Variants in ZBTB20 observed in about 807,000 individuals in gnomAD.
The protein encoded by ZBTB20 is zinc finger and BTB domain containing 20.
ZBTB20 carries 9 observed loss-of-function variants against 56.9 expected under a neutral mutation model. That is an observed-to-expected ratio of 0.16 (90% CI 0.10 to 0.28). The LOEUF (loss-of-function observed/expected upper bound fraction) is 0.28. Ranked by LOEUF, ZBTB20 falls within the 10% of genes least tolerant of loss-of-function variation. The pLI is 1.00. For synonymous variants in ZBTB20, 417 were observed against 420.7 expected, an observed-to-expected ratio of 0.99 and a Z score of 0.11; for missense variants, 655 against 1,003.0, an observed-to-expected ratio of 0.65 and a Z score of 4.69.
chr3:114,719,406 G>A (rs1475021251), intron 5 of ZBTB20, among the ~76,000 whole-genome samples: 1 of 151,972 alleles, frequency 6.6e-6, no homozygotes, highest in African/African-American at 2.4e-5. Context: ...TAGCTGGAGC[G>A]GACTGCCTGC....
intron 2 of ZBTB20, among the ~76,000 whole-genome samples, chr3:115,028,617 C>G (rs1380677464): frequency 6.7e-6 from 1 of 149,200 alleles, no homozygotes; most frequent in African/African-American, 2.5e-5. Flanking sequence ...AACTTCTCAG[C>G]GAGTTAAATA....
chr3:114,604,895 G>A (rs1024542422), intron 6 of ZBTB20, among the ~76,000 whole-genome samples: 3 of 152,128 alleles, frequency 2.0e-5, no homozygotes, highest in Non-Finnish European at 4.4e-5. Flanking sequence ...TCCATGTGTT[G>A]AGTGGAGAAG....
At chr3:114,355,832 G>GA (rs373101988) in intron 10 of ZBTB20, among the ~76,000 whole-genome samples, 447 of 144,162 alleles carry the variant, frequency 3.1e-3, no homozygotes, top group Admixed American at 5.0e-3. Flanking sequence ...GGCTATTCAA[G>GA]AAAAAAAAAA....
At chr3:114,798,357 A>AAAAAAC (rs1386078479) in intron 5 of ZBTB20, among the ~76,000 whole-genome samples, 2 of 59,186 alleles carry the variant, frequency 3.4e-5, no homozygotes, top group Non-Finnish European at 8.7e-5. Context: ...AACAAAAAAA[A>AAAAAAC]ACACACAAAA....
intron 1 of ZBTB20, among the ~76,000 whole-genome samples, chr3:115,103,910 C>T (rs914109513): frequency 6.6e-6 from 1 of 152,126 alleles, no homozygotes; most frequent in Non-Finnish European, 1.5e-5. Flanking sequence ...AATGAAAAGA[C>T]AAGCCACAGA....
intron 6 of ZBTB20, among the ~76,000 whole-genome samples, chr3:114,558,861 C>G (rs1283197247): frequency 6.6e-6 from 1 of 152,100 alleles, no homozygotes; most frequent in Non-Finnish European, 1.5e-5. Flanking sequence ...ATTCACATGC[C>G]TAGCTCACTT....
intron 7 of ZBTB20, among the ~76,000 whole-genome samples, chr3:114,400,237 A>T (rs543720102): frequency 6.6e-6 from 1 of 152,272 alleles, no homozygotes; most frequent in East Asian, 1.9e-4. Flanking sequence ...TCTCACTTAT[A>T]AAGTCATGAG....
At chr3:114,450,294 G>T (rs2091524791) in intron 7 of ZBTB20, among the ~76,000 whole-genome samples, 1 of 152,124 alleles carries the variant, frequency 6.6e-6, no homozygotes, top group Non-Finnish European at 1.5e-5. Flanking sequence ...TAACATTGTT[G>T]TTTCAAAAAC....
At chr3:114,539,449 T>G (rs968092230) in intron 6 of ZBTB20, among the ~76,000 whole-genome samples, 1 of 152,144 alleles carries the variant, frequency 6.6e-6, no homozygotes, top group African/African-American at 2.4e-5. Flanking sequence ...TACACAGCTC[T>G]TATTTGCTTC....
rs755626140 is a variant in ZBTB20 at position 114,339,064 on chromosome 3, T to C, written c.2167A>G (p.Lys723Glu). The change falls in exon 12 of 12, where the codon AAG (lysine) becomes GAG (glutamate). Residue 723 changes from lysine (K) to glutamate (E), a missense_variant. Lys to Glu is a moderately conservative substitution (Grantham distance 56, BLOSUM62 1). Around this residue, in one of 10 missense-constraint regions of ZBTB20, gnomAD observed 89 missense variants for 79.7 expected, o/e 1.12. Coordinates refer to ENST00000675478, the MANE Select transcript of ZBTB20 (RefSeq NM_001348800.3). This position sits in a 1 kb window ranked among gnomAD's most constrained non-coding sequence, Gnocchi z 4.2. Reference protein sequence around the residue: ...TTYVCSVCPAKFDQIEQFNDH... With the variant: ...TTYVCSVCPAEFDQIEQFNDH... The stretch of plus-strand genomic sequence containing the variant: ...TTGAACTGCTCGATTTGGTCAAACT[T>C]TGCTGGGCAGACGGAGCAGACGTAA... 7 of 1,555,048 alleles carry C rather than the reference T, an allele frequency of 4.5e-6. No homozygotes were observed. The highest frequency in any genetic ancestry group is 6.1e-6 in the Non-Finnish European group (7 of 1,149,696).
intron 1 of ZBTB20, among the ~76,000 whole-genome samples, chr3:115,146,193 G>A (rs896449237): frequency 1.3e-5 from 2 of 152,236 alleles, no homozygotes; most frequent in African/African-American, 4.8e-5. Flanking sequence ...CCAGTTCGGA[G>A]TGAGAGATCA....
intron 2 of ZBTB20, among the ~76,000 whole-genome samples, chr3:114,987,226 A>G (rs1023357383): frequency 1.3e-5 from 2 of 152,142 alleles, no homozygotes; most frequent in African/African-American, 4.8e-5. Flanking sequence ...GTAAAAGTAA[A>G]CCTTGAGATG....
intron 6 of ZBTB20, among the ~76,000 whole-genome samples, chr3:114,517,172 C>T (rs1478929713): frequency 1.3e-5 from 2 of 152,074 alleles, no homozygotes; most frequent in Non-Finnish European, 2.9e-5. Flanking sequence ...AGATGAAATG[C>T]CTATCATTTA....
chr3:114,918,052 G>A (rs945200336), intron 3 of ZBTB20, among the ~76,000 whole-genome samples: 6 of 152,166 alleles, frequency 3.9e-5, no homozygotes, highest in Middle Eastern at 3.4e-3. Context: ...AATCTACCTG[G>A]TGCTCCATTC....
chr3:114,424,027 A>T (rs1289134826), intron 7 of ZBTB20, among the ~76,000 whole-genome samples: 3 of 152,226 alleles, frequency 2.0e-5, no homozygotes, highest in Non-Finnish European at 4.4e-5. Flanking sequence ...AGTAAATCTA[A>T]CACCTATAAA....
rs550883712 is a variant in ZBTB20 at position 114,950,600 on chromosome 3, T to C, written c.-456+23766A>G. On this transcript the variant is annotated intron_variant, in intron 3 of 11. Transcript: ENST00000675478. ...GATCATGTAAATTGGTATAATAACA[T>C]TGAAAATTATTTGGCACTATCTACT... is the stretch of plus-strand genomic sequence containing the variant. Among the ~76,000 whole-genome samples, 5 of 152,256 alleles carry C rather than the reference T, an allele frequency of 3.3e-5. No homozygotes were observed. The East Asian group carries it at 5.8e-4, about 18-fold the overall frequency.
intron 6 of ZBTB20, among the ~76,000 whole-genome samples, chr3:114,567,844 G>A (rs550133796): frequency 6.6e-6 from 1 of 152,288 alleles, no homozygotes; most frequent in South Asian, 2.1e-4. Flanking sequence ...CCAGACACTT[G>A]AAATCAAAGA....
chr3:114,444,355 T>G (rs2091129753), intron 7 of ZBTB20, among the ~76,000 whole-genome samples: 1 of 152,140 alleles, frequency 6.6e-6, no homozygotes, highest in African/African-American at 2.4e-5. Context: ...GGGAGTACAA[T>G]GCATTTGGGT....
At chr3:114,436,150 G>A (rs981910347) in intron 7 of ZBTB20, among the ~76,000 whole-genome samples, 1 of 152,186 alleles carries the variant, frequency 6.6e-6, no homozygotes, top group Non-Finnish European at 1.5e-5. Flanking sequence ...AGGTCAAAAT[G>A]TCTTTTCAAT....
Sources: gnomAD v4.1 joint callset for allele counts (sites outside exome capture counted in the v4.1 genomes callset) on GRCh38, gnomAD v4.1.1 for gene constraint, gnomAD v4.1.1 regional missense constraint, Gnocchi (gnomAD v3.1) non-coding constraint, MANE v1.5 for transcripts, NCBI Gene and HGNC (gene_info 2026-07-23, HGNC 2026-07-21) for gene names.